Variants in GFRA2 observed in about 807,000 individuals in gnomAD.
GFRA2 encodes the protein GDNF family receptor alpha-2.
A neutral mutation model predicts 48.3 loss-of-function variants in GFRA2; 17 were observed. The observed-to-expected ratio is 0.35, with a 90% CI of 0.24 to 0.53. The LOEUF is 0.53. Ranked by LOEUF, GFRA2 falls within the 20% of genes least tolerant of loss-of-function variation. The pLI is 0.93. For synonymous variants in GFRA2, 305 were observed against 257.2 expected (o/e 1.19, Z -1.78); for missense variants, 660 against 637.3 (o/e 1.04, Z -0.38).
rs1303060524 is a variant in GFRA2 at position 21,788,466 on chromosome 8, C to T, written c.-307G>A. Reference sequence around the variant, plus strand: ...AGCCCAGTCCTGGGGTCAGCCCTCCCCTCCAATCGTCCGGGAAGGCGTGAG... The same window carrying T: ...AGCCCAGTCCTGGGGTCAGCCCTCCTCTCCAATCGTCCGGGAAGGCGTGAG... On this transcript the variant is annotated 5_prime_UTR_variant, in exon 1 of 9. Coordinates refer to ENST00000524240, the MANE Select transcript of GFRA2 (RefSeq NM_001495.5). The T allele has an allele frequency of 1.8e-6, 2 of 1,120,878 alleles. No individual in the cohort carries two copies. Among genetic ancestry groups the T allele is most frequent in the African/African-American group, 3.3e-5 (2 of 61,442 alleles). The allele number at this position is 1,120,878 out of a possible 1,614,324, so 69.4% of individuals were successfully genotyped here. A position where few individuals can be genotyped will look rare whatever the true frequency, so the allele number is the denominator to read the frequency against.
intron 3 of GFRA2, among the ~76,000 whole-genome samples, chr8:21,758,751 T>C (rs1338485041): frequency 6.6e-6 from 1 of 152,118 alleles, no homozygotes; most frequent in Non-Finnish European, 1.5e-5. Context: ...TGCAAGACTC[T>C]CAGGGATGGA....
chr8:21,744,362 C>T (rs1804890578), intron 4 of GFRA2, among the ~76,000 whole-genome samples: 1 of 152,200 alleles, frequency 6.6e-6, no homozygotes, highest in Non-Finnish European at 1.5e-5. Context: ...TATTTATACA[C>T]ATCCTCAGCA....
chr8:21,764,263 C>T (rs1243263168), intron 3 of GFRA2, among the ~76,000 whole-genome samples: 1 of 152,172 alleles, frequency 6.6e-6, no homozygotes, highest in Non-Finnish European at 1.5e-5. Context: ...TGCTTGTTCA[C>T]AGACAGCCAT....
intron 4 of GFRA2, among the ~76,000 whole-genome samples, chr8:21,728,308 TCTGTTGC>T (rs1261492724): frequency 8.4e-6 from 1 of 118,724 alleles, no homozygotes; most frequent in Non-Finnish European, 1.6e-5. Flanking sequence ...GGAGTCTCAC[TCTGTTGC>T]CCAGGCTGGA....
rs369601801 is a variant in GFRA2 at position 21,753,084 on chromosome 8, C to A, written c.440-2142G>T. ...GAACCTACAGCAGACAGCCATTGCTCCTAGGCTCCAAAGCCCCCCTTGGAT... is the reference window on the plus strand; with the variant it reads ...GAACCTACAGCAGACAGCCATTGCTACTAGGCTCCAAAGCCCCCCTTGGAT... On this transcript the variant is annotated intron_variant, in intron 3 of 8. Coordinates refer to ENST00000524240, the MANE Select transcript of GFRA2 (RefSeq NM_001495.5). 1.4e-4 allele frequency among the ~76,000 whole-genome samples: 22 copies of A among 152,318 alleles called. 1 individual carries two copies. Among genetic ancestry groups the A allele is most frequent in the South Asian group, 1.0e-3 (5 of 4,822 alleles).
At chr8:21,756,425 G>T (rs77098861) in intron 3 of GFRA2, among the ~76,000 whole-genome samples, 1 of 152,180 alleles carries the variant, frequency 6.6e-6, no homozygotes, top group Non-Finnish European at 1.5e-5. Flanking sequence ...AGCGGGCCTG[G>T]GCTCTGAGGC....
At chr8:21,731,409 T>A (rs1470928066) in intron 4 of GFRA2, among the ~76,000 whole-genome samples, 1 of 152,190 alleles carries the variant, frequency 6.6e-6, no homozygotes, top group Admixed American at 6.5e-5. Context: ...CGTAGCCATC[T>A]CAATGGCCAA....
chr8:21,773,036 T>A (rs902064107), intron 3 of GFRA2, among the ~76,000 whole-genome samples: 62 of 152,298 alleles, frequency 4.1e-4, no homozygotes, highest in Middle Eastern at 3.4e-3. Flanking sequence ...CACCATAGCA[T>A]CCACAGGCCA....
rs1018276443 is a variant in GFRA2, at chr8:21,705,153, G to A, written c.905-28C>T. On this transcript the variant is annotated intron_variant, in intron 5 of 8. Coordinates refer to ENST00000524240, the MANE Select transcript of GFRA2 (RefSeq NM_001495.5). ...GGGCAGGAAGAAAGGTGGGGGAGAG[G>A]AGAGAGGTACGGTGGGGCCTTCCCC... is the stretch of plus-strand genomic sequence containing the variant. The A allele has an allele frequency of 6.9e-6, 11 of 1,596,008 alleles. No homozygotes were observed. The Admixed American group carries it at 1.0e-4, about 15-fold the overall frequency.
intron 2 of GFRA2, 103 bp downstream of exon 2, chr8:21,782,482 T>G (rs1403791006): frequency 1.2e-6 from 1 of 857,614 alleles, no homozygotes; most frequent in Non-Finnish European, 1.8e-6. Context: ...GCTGGCCAGT[T>G]TGCGCCACCA....
intron 3 of GFRA2, among the ~76,000 whole-genome samples, chr8:21,751,823 G>C (rs545894457): frequency 5.9e-5 from 9 of 152,270 alleles, no homozygotes; most frequent in African/African-American, 1.9e-4. Context: ...TCCTACCTCT[G>C]CACAGCCCTC....
intron 4 of GFRA2, among the ~76,000 whole-genome samples, chr8:21,706,644 C>A (rs1416852326): frequency 6.6e-6 from 1 of 152,184 alleles, no homozygotes; most frequent in Non-Finnish European, 1.5e-5. Flanking sequence ...TGCCATCCCT[C>A]CACCCCTACC....
At chr8:21,770,243 A>C (rs1384792915) in intron 3 of GFRA2, among the ~76,000 whole-genome samples, 8 of 152,248 alleles carry the variant, frequency 5.3e-5, no homozygotes, top group African/African-American at 1.9e-4. Context: ...GCCGGGTTCT[A>C]GGCTGGCCCA....
At chr8:21,763,605 A>G (rs1416892191) in intron 3 of GFRA2, among the ~76,000 whole-genome samples, 5 of 151,926 alleles carry the variant, frequency 3.3e-5, no homozygotes, top group Non-Finnish European at 5.9e-5. Flanking sequence ...CTTGACCTTC[A>G]TCAACATCCA....
At chr8:21,765,611 G>A (rs979796467) in intron 3 of GFRA2, among the ~76,000 whole-genome samples, 5 of 151,864 alleles carry the variant, frequency 3.3e-5, no homozygotes, top group African/African-American at 1.2e-4. Context: ...CTGTCTATAT[G>A]CTAATCACTC....
intron 4 of GFRA2, among the ~76,000 whole-genome samples, chr8:21,730,737 A>C (rs1242972850): frequency 6.6e-6 from 1 of 152,170 alleles, no homozygotes; most frequent in African/African-American, 2.4e-5. Context: ...CAGAATGTAC[A>C]GCCCTCAAGG....
intron 4 of GFRA2, among the ~76,000 whole-genome samples, chr8:21,741,138 TTCCAACTGTAC>T (rs1417654725): frequency 1.3e-5 from 2 of 152,200 alleles, no homozygotes; most frequent in Non-Finnish European, 2.9e-5. Flanking sequence ...AGAAGCTCCT[TTCCAACTGTAC>T]TCAGAAGTCC....
intron 2 of GFRA2, among the ~76,000 whole-genome samples, chr8:21,793,974 G>A (rs1407048162): frequency 1.3e-5 from 2 of 148,552 alleles, no homozygotes; most frequent in Non-Finnish European, 3.0e-5. Flanking sequence ...AGTCATCCTC[G>A]CCCCTCAGCC....
chr8:21,747,873 T>A (rs547544900), intron 4 of GFRA2, among the ~76,000 whole-genome samples: 1 of 151,498 alleles, frequency 6.6e-6, no homozygotes, highest in Admixed American at 6.6e-5. Context: ...CACACACATA[T>A]ACACACTCTG....
Sources: gnomAD v4.1 joint callset for allele counts (sites outside exome capture counted in the v4.1 genomes callset) on GRCh38, gnomAD v4.1.1 for gene constraint, MANE v1.5 for transcripts, NCBI Gene and HGNC (gene_info 2026-07-23, HGNC 2026-07-21) for gene names.